Variants in PMM2 observed in about 807,000 individuals in gnomAD.
PMM2 encodes the protein mannose-6-phosphate isomerase.
A neutral mutation model predicts 33.2 loss-of-function variants in PMM2; 35 were observed. The ratio of observed to expected loss-of-function variants is 1.06; its 90% CI spans 0.81 to 1.40. The LOEUF is 1.40. Ranked by LOEUF, PMM2 falls within the 40% of genes most tolerant of loss-of-function variation. The pLI, the probability that PMM2 is intolerant of heterozygous loss-of-function variation, is 0.00. For synonymous variants in PMM2, 153 were observed against 114.7 expected (o/e 1.33, Z -2.13); for missense variants, 386 against 306.0 (o/e 1.26, Z -1.95).
At chr16:8,800,665 C>CTTTTTTTTTTTTTTT (rs35148703) in intron 1 of PMM2, among the ~76,000 whole-genome samples, 23 of 126,658 alleles carry the variant, frequency 1.8e-4, no homozygotes, top group Admixed American at 3.1e-4. Flanking sequence ...TAAGCTTCTC[C>CTTTTTTTTTTTTTTT]TTTTTTTTTT....
chr16:8,799,778 C>A (rs947005085), intron 1 of PMM2, among the ~76,000 whole-genome samples: 1 of 152,018 alleles, frequency 6.6e-6, no homozygotes, highest in African/African-American at 2.4e-5. Context: ...TATCTCTGGA[C>A]CTCGTGATCC....
In PMM2 at chr16:8,819,783, C is replaced by G. The variant is rs1000486; in HGVS notation, c.639+6677C>G. On this transcript the variant is annotated intron_variant, in intron 7 of 7. Coordinates refer to ENST00000268261, the MANE Select transcript of PMM2 (RefSeq NM_000303.3). ...AAATCTTCCAGCACTTCCTCAGTGT[C>G]AGACCCTGAGCTGGACACTTATGTT... is the stretch of plus-strand genomic sequence containing the variant. Among the ~76,000 whole-genome samples the G allele has an allele frequency of 4.2e-3, 636 of 152,070 alleles. 4 individuals are homozygous for G. Among genetic ancestry groups the G allele is most frequent in the African/African-American group, 0.015 (609 of 41,514 alleles).
intron 7 of PMM2, among the ~76,000 whole-genome samples, chr16:8,816,149 C>T (rs1272071078): frequency 6.6e-6 from 1 of 151,778 alleles, no homozygotes; most frequent in Admixed American, 6.6e-5. Context: ...TATTTTGAGA[C>T]GGAGTTTTGC....
At chr16:8,845,795 C>CTT (rs5815503) in intron 7 of PMM2, among the ~76,000 whole-genome samples, 19,925 of 139,850 alleles carry the variant, frequency 0.14, 1,441 homozygotes, top group East Asian at 0.24. Context: ...TGAAAGAAAT[C>CTT]TTTTTTTTTT....
At chr16:8,800,151 G>A (rs1263695430) in intron 1 of PMM2, among the ~76,000 whole-genome samples, 1 of 152,054 alleles carries the variant, frequency 6.6e-6, no homozygotes, top group Non-Finnish European at 1.5e-5. Context: ...TTGAGGTCAG[G>A]AGTTCGAGAC....
Position 8,799,333 on chromosome 16 carries a change from A to G in PMM2, c.66+1385A>G, listed in dbSNP as rs532852283. Among the ~76,000 whole-genome samples the G allele has an allele frequency of 1.1e-4, 17 of 152,180 alleles. 1 individual carries two copies. Among genetic ancestry groups the G allele is most frequent in the East Asian group, 9.7e-4 (5 of 5,176 alleles). ...TCCTCCATCTTTCTTCCCAGGTAGGATAGTTGTTATTACCGTTTTAAACAT... is the reference window on the plus strand; with the variant it reads ...TCCTCCATCTTTCTTCCCAGGTAGGGTAGTTGTTATTACCGTTTTAAACAT... On this transcript the variant is annotated intron_variant, in intron 1 of 7. Coordinates refer to ENST00000268261, the MANE Select transcript of PMM2 (RefSeq NM_000303.3).
intron 4 of PMM2, chr16:8,807,163 A>ATTTTTTTTTT (rs34373172): frequency 7.1e-6 from 1 of 141,346 alleles, no homozygotes; most frequent in Non-Finnish European, 1.5e-5. Context: ...TGCCCAGCTA[A>ATTTTTTTTTT]TTTTTTTTTT....
intron 7 of PMM2, among the ~76,000 whole-genome samples, chr16:8,817,064 G>A (rs1002510576): frequency 5.3e-5 from 8 of 152,166 alleles, no homozygotes; most frequent in African/African-American, 9.7e-5. Flanking sequence ...AATTAGAGGC[G>A]TGCACTACCA....
At chr16:8,835,296 G>A (rs1312497451) in intron 7 of PMM2, among the ~76,000 whole-genome samples, 1 of 151,942 alleles carries the variant, frequency 6.6e-6, no homozygotes, top group Non-Finnish European at 1.5e-5. Context: ...ACGATCAACA[G>A]GGAGAGCACG....
At chr16:8,806,539 G>A (rs2060649410) in intron 4 of PMM2, 132 bp downstream of exon 4, 1 of 713,916 alleles carries the variant, frequency 1.4e-6, no homozygotes, top group East Asian at 2.7e-5. Flanking sequence ...CTGATATTTA[G>A]CCCGCCCCTT....
intron 7 of PMM2, among the ~76,000 whole-genome samples, chr16:8,820,546 G>T (rs2060732547): frequency 6.6e-6 from 1 of 152,066 alleles, no homozygotes; most frequent in Non-Finnish European, 1.5e-5. Context: ...TAGAGACGGG[G>T]TTTCACCATC....
chr16:8,822,575 G>A (rs138849951), intron 7 of PMM2, among the ~76,000 whole-genome samples: 15 of 152,288 alleles, frequency 9.8e-5, no homozygotes, highest in African/African-American at 3.6e-4. Context: ...GAGTCATTTA[G>A]GTCACCATCA....
At chr16:8,810,684 T>A (rs534305184) in intron 4 of PMM2, 1 of 326,058 alleles carries the variant, frequency 3.1e-6, no homozygotes, top group Admixed American at 4.6e-5. Context: ...TCATGGAATC[T>A]TCCTGCCTCA....
intron 7 of PMM2, among the ~76,000 whole-genome samples, chr16:8,835,137 C>CTAAAACA (rs1244112151): frequency 2.0e-5 from 3 of 148,642 alleles, no homozygotes; most frequent in Non-Finnish European, 4.5e-5. Flanking sequence ...GAGGGCTAGG[C>CTAAAACA]TAAAACAGTA....
In PMM2 at chr16:8,839,330, TGTAAA is replaced by T. The variant is rs536232081; in HGVS notation, c.640-8388_640-8384del. ...ACCTTGTGCGAGGCAAAACTGGAGA[TGTAAA>T]GTAAAAAGATGAGGAGTGCTGCAAG... is the stretch of plus-strand genomic sequence containing the variant. On this transcript the variant is annotated intron_variant, in intron 7 of 7. Coordinates refer to ENST00000268261, the MANE Select transcript of PMM2 (RefSeq NM_000303.3). Among the ~76,000 whole-genome samples the T allele has an allele frequency of 8.5e-4, 129 of 151,988 alleles. 2 individuals are homozygous for T. Among genetic ancestry groups the T allele is most frequent in the Non-Finnish European group, 1.6e-3 (112 of 67,976 alleles).
intron 4 of PMM2, 53 bp downstream of exon 4, chr16:8,806,460 TG>T (rs746889383): frequency 1.8e-6 from 2 of 1,086,282 alleles, no homozygotes; most frequent in Non-Finnish European, 2.9e-6. Flanking sequence ...TAGTGTCACA[TG>T]GTGGGCTAAT....
intron 2 of PMM2, among the ~76,000 whole-genome samples, chr16:8,802,641 C>T (rs556665914): frequency 1.4e-4 from 21 of 151,964 alleles, no homozygotes; most frequent in East Asian, 7.8e-4. Flanking sequence ...CCAGCCTGGC[C>T]GACATGATCA....
chr16:8,813,219 A>T, intron 7 of PMM2, 113 bp downstream of exon 7: 1 of 771,394 alleles, frequency 1.3e-6, no homozygotes, highest in South Asian at 1.4e-5. Flanking sequence ...CCCTGCTCAA[A>T]CTGAGCAGTG....
chr16:8,818,369 C>T (rs186925248), intron 7 of PMM2, among the ~76,000 whole-genome samples: 14 of 152,272 alleles, frequency 9.2e-5, no homozygotes, highest in East Asian at 5.8e-4. Flanking sequence ...TTTTCGTCAG[C>T]GGTTTTCTAG....
Sources: allele counts gnomAD v4.1 joint callset (sites outside exome capture counted in the v4.1 genomes callset), GRCh38; gene constraint gnomAD v4.1.1; transcripts MANE v1.5; gene names NCBI Gene and HGNC (gene_info 2026-07-23, HGNC 2026-07-21).